KLHL4: variants seen among roughly 807,000 people sequenced by gnomAD.
KLHL4 encodes the protein kelch-like protein 4.
Under a neutral mutation model 45.8 loss-of-function variants are expected in KLHL4, and 17 were observed. The observed-to-expected ratio is 0.37, with a 90% CI of 0.25 to 0.56. The LOEUF (loss-of-function observed/expected upper bound fraction) is 0.56, where lower values mean the gene tolerates loss of function less well. Ranked by LOEUF, KLHL4 falls within the 20% of genes least tolerant of loss-of-function variation. The pLI is 0.79. For synonymous variants in KLHL4, 224 were observed against 189.9 expected (o/e 1.18, Z -1.47); for missense variants, 544 against 544.9 (o/e 1.00, Z 0.02).
At chrX:87,556,829 A>G (rs1055191809) in intron 1 of KLHL4, among the ~76,000 whole-genome samples, 24 of 111,500 alleles carry the variant, frequency 2.2e-4, no homozygotes, top group Admixed American at 2.1e-3. Flanking sequence ...AGTCTTCTTT[A>G]TATATGCAAC....
At chrX:87,543,006 T>C (rs1030208058) in intron 1 of KLHL4, among the ~76,000 whole-genome samples, 4 of 111,245 alleles carry the variant, frequency 3.6e-5, no homozygotes, top group Admixed American at 2.9e-4. Flanking sequence ...ACTGTTCTTA[T>C]GATAGTGAGG....
chrX:87,552,938 A>T (rs902146736), intron 1 of KLHL4, among the ~76,000 whole-genome samples: 5 of 110,509 alleles, frequency 4.5e-5, no homozygotes, highest in African/African-American at 1.6e-4. Flanking sequence ...TGTATATTTT[A>T]AAATAACTTT....
At chrX:87,567,138 G>A (rs1932229940) in intron 1 of KLHL4, among the ~76,000 whole-genome samples, 1 of 110,990 alleles carries the variant, frequency 9.0e-6, no homozygotes, top group Non-Finnish European at 1.9e-5. Flanking sequence ...GATTAGAGGG[G>A]ATCTTCCTAT....
chrX:87,616,915 T>C (rs1922576290), intron 3 of KLHL4, among the ~76,000 whole-genome samples: 2 of 111,495 alleles, frequency 1.8e-5, no homozygotes, highest in South Asian at 7.5e-4. Flanking sequence ...TCACAATATG[T>C]ATTACCCTTT....
intron 9 of KLHL4, among the ~76,000 whole-genome samples, chrX:87,655,220 A>G (rs375099748): frequency 9.0e-6 from 1 of 111,626 alleles, no homozygotes; most frequent in East Asian, 2.8e-4. Flanking sequence ...ATTTTTTGCC[A>G]AGGCCATTTT....
chrX:87,666,484 G>A lies in KLHL4; in HGVS notation c.2107G>A (p.Val703Ile). Residue 703 changes from valine to isoleucine, a missense_variant, in exon 11 of 11, where the codon GTT (valine) becomes ATT (isoleucine). Transcript: ENST00000373119. ...QRNEWKEEVP[V>I]NIGRAGACVV... ...TTATTTTGTGTTTTAGGAAGTTCCT[G>A]TTAACATTGGAAGAGCTGGTGCATG... The A allele has an allele frequency of 8.4e-7, 1 of 1,186,391 alleles. No homozygotes were observed. The highest frequency in any genetic ancestry group is 1.1e-6 in the Non-Finnish European group (1 of 875,730).
chrX:87,604,184 C>T (rs1002620173), intron 1 of KLHL4, among the ~76,000 whole-genome samples: 6 of 110,794 alleles, frequency 5.4e-5, no homozygotes, highest in Non-Finnish European at 7.6e-5. Flanking sequence ...CTAACTAGTG[C>T]AGCAATAGTG....
Position 87,633,897 on chromosome X carries a change from T to C in KLHL4, c.1698T>C (p.Val566=), listed in dbSNP as rs755222028. ...CTCCTAGAAGCACAGTTGGTGTTGT[T>C]GCATTAAACAACAAGTGAGTAAGTT... ...MSTPRSTVGV[V]ALNNKLYAIG... Residue 566 remains valine (V), a synonymous_variant, in exon 8 of 11, where the codon GTT becomes GTC. Coordinates refer to ENST00000373119, the MANE Select transcript of KLHL4 (RefSeq NM_019117.5). 2 of 1,204,598 alleles carry C rather than the reference T, an allele frequency of 1.7e-6. No individual in the cohort carries two copies. The highest frequency in any genetic ancestry group is 2.2e-6 in the Non-Finnish European group (2 of 892,330).
At chrX:87,665,420 C>A (rs1178061225) in intron 10 of KLHL4, among the ~76,000 whole-genome samples, 1 of 110,750 alleles carries the variant, frequency 9.0e-6, no homozygotes, top group Non-Finnish European at 1.9e-5. Context: ...GACTGCAATA[C>A]TCCTAAATTC....
intron 1 of KLHL4, among the ~76,000 whole-genome samples, chrX:87,534,932 C>T (rs375804378): frequency 2.5e-4 from 28 of 111,800 alleles, no homozygotes; most frequent in African/African-American, 7.1e-4. Context: ...AAGCACTTGT[C>T]GGATCTTAAT....
At chrX:87,594,053 TAGTAGAGTATTGAAGGC>T (rs774081726) in intron 1 of KLHL4, among the ~76,000 whole-genome samples, 18 of 111,225 alleles carry the variant, frequency 1.6e-4, no homozygotes, top group Non-Finnish European at 3.2e-4. Flanking sequence ...ACCAAAAGAA[TAGTAGAGTATTGAAGGC>T]CATATTTAAT....
At chrX:87,626,008 T>C (rs181707632) in intron 6 of KLHL4, among the ~76,000 whole-genome samples, 9 of 112,327 alleles carry the variant, frequency 8.0e-5, no homozygotes, top group Non-Finnish European at 1.5e-4. Context: ...TAGGCACTTT[T>C]ACTTTACAGA....
chrX:87,640,255 G>T (rs7060448), intron 9 of KLHL4, among the ~76,000 whole-genome samples: 6,087 of 111,363 alleles, frequency 0.055, 395 homozygotes, highest in African/African-American at 0.18. Context: ...TGAATTTTAT[G>T]TGACATTCAA....
chrX:87,552,852 C>CA (rs1182570627), intron 1 of KLHL4, among the ~76,000 whole-genome samples: 4 of 108,598 alleles, frequency 3.7e-5, no homozygotes, highest in Admixed American at 9.9e-5. Context: ...TTAGTGGGTA[C>CA]AAAAAAATGG....
chrX:87,611,659 C>CTATACT (rs1556033158), intron 1 of KLHL4, among the ~76,000 whole-genome samples: 1 of 101,541 alleles, frequency 9.8e-6, no homozygotes, highest in African/African-American at 3.7e-5. Context: ...GGTTTAAGTA[C>CTATACT]ATACTATACT....
chrX:87,581,314 C>A (rs1022029748), intron 1 of KLHL4, among the ~76,000 whole-genome samples: 2 of 112,438 alleles, frequency 1.8e-5, no homozygotes, highest in Non-Finnish European at 1.9e-5. Flanking sequence ...AGAGGCCAAA[C>A]CAATTGGGGG....
At chrX:87,525,341 A>C (rs893964172) in intron 1 of KLHL4, among the ~76,000 whole-genome samples, 4 of 111,385 alleles carry the variant, frequency 3.6e-5, no homozygotes, top group Non-Finnish European at 7.5e-5. Context: ...TAATATTTAC[A>C]TTGCTGCGAT....
chrX:87,537,041 TTGAA>T (rs1200635476), intron 1 of KLHL4, among the ~76,000 whole-genome samples: 1 of 111,867 alleles, frequency 8.9e-6, no homozygotes, highest in Non-Finnish European at 1.9e-5. Flanking sequence ...TACTGATTTG[TTGAA>T]TGATTGTTTA....
At chrX:87,590,047 A>G (rs1191574289) in intron 1 of KLHL4, among the ~76,000 whole-genome samples, 3 of 109,979 alleles carry the variant, frequency 2.7e-5, no homozygotes, top group Non-Finnish European at 5.7e-5. Flanking sequence ...TAAAAAAAAA[A>G]AAAAAAAAGA....
Sources: gnomAD v4.1 joint callset for allele counts (sites outside exome capture counted in the v4.1 genomes callset) on GRCh38, gnomAD v4.1.1 for gene constraint, MANE v1.5 for transcripts, NCBI Gene and HGNC (gene_info 2026-07-23, HGNC 2026-07-21) for gene names.